USP32: variants seen among roughly 807,000 people sequenced by gnomAD.
The protein encoded by USP32 is ubiquitin specific peptidase 32.
USP32 carries 59 observed loss-of-function variants against 204.8 expected under a neutral mutation model. The observed-to-expected ratio is 0.29, with a 90% CI of 0.23 to 0.36. USP32 has a LOEUF of 0.36. USP32 is among the 10% of genes least tolerant of loss of function. USP32 has a pLI of 1.00. For missense variants in USP32, 1,160 were observed against 1,946.4 expected, an observed-to-expected ratio of 0.60 and a Z score of 7.60; for synonymous variants, 517 against 678.4, an observed-to-expected ratio of 0.76 and a Z score of 3.70.
intron 2 of USP32, among the ~76,000 whole-genome samples, chr17:60,303,866 G>T (rs933871827): frequency 6.6e-6 from 1 of 152,014 alleles, no homozygotes; most frequent in Non-Finnish European, 1.5e-5. Flanking sequence ...ACAAAAGGGG[G>T]AAAATGTGAG....
At position 60,391,981 on chromosome 17, in the gene USP32, GCCCCCACC is replaced by G. The variant is rs1567893501; in HGVS notation, c.-50_-43del. The G allele has an allele frequency of 2.5e-6, 4 of 1,585,552 alleles. No individual in the cohort carries two copies. In the South Asian group the frequency reaches 4.6e-5, roughly 18 times the overall value. On this transcript the variant is annotated 5_prime_UTR_variant, in exon 1 of 34. Coordinates refer to ENST00000300896, the MANE Select transcript of USP32 (RefSeq NM_032582.4). ...CGGCGGGGGGTCGGAGCCTGATCTC[GCCCCCACC>G]CCCCTCCCGCCTTCTCCTCGGCGTC...
intron 1 of USP32, among the ~76,000 whole-genome samples, chr17:60,414,169 C>G (rs1401254320): frequency 6.6e-6 from 1 of 151,820 alleles, no homozygotes; most frequent in African/African-American, 2.4e-5. Flanking sequence ...TCGAGACCAG[C>G]CTGGCCAACA....
chr17:60,372,377 T>C (rs187535160), intron 1 of USP32, among the ~76,000 whole-genome samples: 4 of 152,172 alleles, frequency 2.6e-5, no homozygotes, highest in East Asian at 3.8e-4. Context: ...TTAGATGGTA[T>C]AGACTACTAC....
At chr17:60,395,265 C>A (rs2089893535), upstream of USP32, among the ~76,000 whole-genome samples, 1 of 152,190 alleles carries the variant, frequency 6.6e-6, no homozygotes, top group East Asian at 1.9e-4. Flanking sequence ...GGCCTGGCAT[C>A]CCCTAAGGTC....
At chr17:60,400,988 T>C (rs770564979) in intron 1 of USP32, among the ~76,000 whole-genome samples, 1 of 151,872 alleles carries the variant, frequency 6.6e-6, no homozygotes, top group Non-Finnish European at 1.5e-5. Flanking sequence ...CAAAACCCCA[T>C]CTCTACAAAA....
At chr17:60,232,546 A>ATT (rs11344960) in intron 12 of USP32, among the ~76,000 whole-genome samples, 98 of 100,724 alleles carry the variant, frequency 9.7e-4, no homozygotes, top group East Asian at 5.1e-3. Context: ...GAGAAATTTG[A>ATT]TTTTTTTTTT....
intron 2 of USP32, among the ~76,000 whole-genome samples, chr17:60,309,430 T>C (rs113254040): frequency 0.022 from 3,270 of 150,026 alleles, 137 homozygotes; most frequent in African/African-American, 0.076. Context: ...CAGAAACCCC[T>C]GTCTCTACAA....
At chr17:60,256,686 T>C (rs1226592856) in intron 9 of USP32, 2 of 1,114,774 alleles carry the variant, frequency 1.8e-6, no homozygotes, top group Non-Finnish European at 2.2e-6. Flanking sequence ...TATCTGTTGC[T>C]GTGAGGAAAG....
chr17:60,226,317 A>AT, intron 12 of USP32, 86 bp from the exon 13 acceptor site: 3 of 1,272,628 alleles, frequency 2.4e-6, no homozygotes, highest in Non-Finnish European at 3.1e-6. Flanking sequence ...ACAATTATCT[A>AT]TTTTTTTAAG....
intron 1 of USP32, among the ~76,000 whole-genome samples, chr17:60,374,394 G>GT (rs993702488): frequency 6.7e-6 from 1 of 148,966 alleles, no homozygotes; most frequent in African/African-American, 2.5e-5. Context: ...TTACAGTTAA[G>GT]TTTTGTTTTT....
intron 2 of USP32, among the ~76,000 whole-genome samples, chr17:60,301,993 C>G (rs2087589044): frequency 6.6e-6 from 1 of 152,092 alleles, no homozygotes; most frequent in Non-Finnish European, 1.5e-5. Flanking sequence ...CCATACAGTA[C>G]TCCATAAATT....
intron 2 of USP32, among the ~76,000 whole-genome samples, chr17:60,338,834 G>T (rs865915960): frequency 2.0e-5 from 3 of 152,128 alleles, no homozygotes; most frequent in Non-Finnish European, 2.9e-5. Context: ...CTCAAATTCT[G>T]TTCATTATTT....
At chr17:60,203,838 G>A (rs1644532338) in intron 26 of USP32, among the ~76,000 whole-genome samples, 1 of 152,196 alleles carries the variant, frequency 6.6e-6, no homozygotes, top group South Asian at 2.1e-4. Context: ...GCCTCCCAAA[G>A]TGCTGGGATT....
At chr17:60,240,834 T>C (rs1168233592) in intron 11 of USP32, among the ~76,000 whole-genome samples, 1 of 152,188 alleles carries the variant, frequency 6.6e-6, no homozygotes, top group African/African-American at 2.4e-5. Flanking sequence ...TAAAATATTT[T>C]ACCCCAGGTG....
At chr17:60,270,902 C>A (rs1016867634) in intron 6 of USP32, among the ~76,000 whole-genome samples, 4 of 151,372 alleles carry the variant, frequency 2.6e-5, no homozygotes, top group Non-Finnish European at 5.9e-5. Flanking sequence ...CCAATAGTTT[C>A]TTCATCTTTT....
At chr17:60,195,122 T>G in intron 27 of USP32, among the ~76,000 whole-genome samples, 1 of 152,220 alleles carries the variant, frequency 6.6e-6, no homozygotes, top group Non-Finnish European at 1.5e-5. Flanking sequence ...CCTGGCTATC[T>G]TTTTTAATGT....
At chr17:60,319,733 T>C (rs1295423066) in intron 2 of USP32, among the ~76,000 whole-genome samples, 2 of 152,078 alleles carry the variant, frequency 1.3e-5, no homozygotes, top group South Asian at 2.1e-4. Context: ...TGAGCCAAGA[T>C]AGCGCCACTG....
intron 5 of USP32, among the ~76,000 whole-genome samples, chr17:60,282,084 A>G (rs1031800456): frequency 3.9e-5 from 6 of 152,208 alleles, no homozygotes; most frequent in Non-Finnish European, 5.9e-5. Flanking sequence ...AAACAGCATA[A>G]TATTTCTTCA....
chr17:60,188,073 T>C (rs189643740), intron 29 of USP32, among the ~76,000 whole-genome samples: 2 of 152,192 alleles, frequency 1.3e-5, no homozygotes, highest in South Asian at 2.1e-4. Flanking sequence ...CTTGATCTCT[T>C]GGGTTCAAGC....
Sources: allele counts gnomAD v4.1 joint callset (sites outside exome capture counted in the v4.1 genomes callset), GRCh38; gene constraint gnomAD v4.1.1; transcripts MANE v1.5; gene names NCBI Gene and HGNC (gene_info 2026-07-23, HGNC 2026-07-21).